IPO8: variants seen among roughly 807,000 people sequenced by gnomAD.
IPO8 encodes importin 8.
In IPO8, 65 loss-of-function variants were observed where a neutral mutation model predicts 141.2. The observed-to-expected ratio is 0.46, with a 90% CI of 0.38 to 0.57. The LOEUF (loss-of-function observed/expected upper bound fraction) is 0.57. Among genes scored for constraint, IPO8 ranks in the 20% least tolerant of loss-of-function variants. The probability of loss-of-function intolerance (pLI) is 0.00; values close to 1 mark genes in which losing one functional copy is unlikely to be tolerated. For missense variants in IPO8, 980 were observed against 1,246.8 expected, an observed-to-expected ratio of 0.79 and a Z score of 3.22; for synonymous variants, 411 against 420.3, an observed-to-expected ratio of 0.98 and a Z score of 0.27.
At chr12:30,694,812 C>A (rs180868929) in intron 1 of IPO8, among the ~76,000 whole-genome samples, 46 of 152,152 alleles carry the variant, frequency 3.0e-4, no homozygotes, top group African/African-American at 1.0e-3. Flanking sequence ...TCTTAAGTAC[C>A]GGTAGGGAAG....
rs777829736 is a variant in IPO8 at position 30,630,895 on chromosome 12, C to T, written c.3079G>A (p.Ala1027Thr). The change falls in exon 25 of 25, where the codon GCA becomes ACA. Residue 1027 changes from alanine (A) to threonine (T), a missense_variant. Transcript: ENST00000256079. ...FTFENKGVLS[A>T]FNFGTVPSNN ...CTGGGCACAGTCCCAAAATTAAATG[C>T]GGAGAGGACTCCTTTGTTTTCAAAG... The T allele has an allele frequency of 9.3e-6, 15 of 1,613,478 alleles. No homozygotes were observed. Among genetic ancestry groups the T allele is most frequent in the Admixed American group, 3.3e-5 (2 of 59,982 alleles).
intron 16 of IPO8, among the ~76,000 whole-genome samples, chr12:30,658,701 A>G (rs2052835262): frequency 6.6e-6 from 1 of 152,212 alleles, no homozygotes; most frequent in Admixed American, 6.5e-5. Flanking sequence ...AGTCCTAAGT[A>G]TAAGACAAAA....
chr12:30,694,261 CTT>C (rs2136179745), intron 1 of IPO8, among the ~76,000 whole-genome samples: 1 of 152,334 alleles, frequency 6.6e-6, no homozygotes, highest in East Asian at 1.9e-4. Context: ...CAGGTACTGA[CTT>C]TAACTTCCCC....
intron 18 of IPO8, 23 bp downstream of exon 18, chr12:30,652,944 A>C (rs2052748328): frequency 6.4e-7 from 1 of 1,567,344 alleles, no homozygotes; most frequent in African/African-American, 1.4e-5. Context: ...AAAAGCAAAA[A>C]TTTTATATGG....
Position 30,695,481 on chromosome 12 carries a change from A to AG in IPO8, c.84+82dup, listed in dbSNP as rs1238950661. 2.4e-6 allele frequency: 3 copies of AG among 1,231,572 alleles called. No homozygotes were observed. The highest frequency in any genetic ancestry group is 3.6e-6 in the Non-Finnish European group (3 of 844,468). 76.3% of individuals were successfully genotyped at this position (1,231,572 alleles called of 1,614,324 possible). A position where few individuals can be genotyped will look rare whatever the true frequency, so the allele number is the denominator to read the frequency against. ...CCCCAGCCCGGTGGGGGTGAGGACGAGGGGCGCCGGGGAGAGGGAGCCCGG... is the reference window on the plus strand; with the variant it reads ...CCCCAGCCCGGTGGGGGTGAGGACGAGGGGGCGCCGGGGAGAGGGAGCCCGG... On this transcript the variant is annotated intron_variant, in intron 1 of 24. Coordinates refer to ENST00000256079, the MANE Select transcript of IPO8 (RefSeq NM_006390.4). This position sits in a 1 kb window ranked among gnomAD's most constrained non-coding sequence, Gnocchi z 4.2.
intron 10 of IPO8, among the ~76,000 whole-genome samples, chr12:30,668,172 A>G (rs1345074407): frequency 6.6e-6 from 1 of 152,234 alleles, no homozygotes; most frequent in Non-Finnish European, 1.5e-5. Flanking sequence ...AATGATTTTC[A>G]AAAGAAAAAT....
intron 14 of IPO8, 51 bp downstream of exon 14, chr12:30,663,438 A>C: frequency 6.7e-7 from 1 of 1,482,006 alleles, no homozygotes; most frequent in Non-Finnish European, 9.2e-7. Context: ...ATTAGGGAAG[A>C]AAGTAAATGA....
At position 30,695,415 on chromosome 12, in the gene IPO8, G is replaced by A. The variant is rs369170420; in HGVS notation, c.84+149C>T. On this transcript the variant is annotated intron_variant, in intron 1 of 24. Transcript: ENST00000256079. The surrounding 1 kb of genome is among the most constrained non-coding windows in gnomAD (Gnocchi z 4.2). ...GGAGCCCTGCTCCACTGGACCGGGG[G>A]GCAGCGGGGTCGGAGAGCGGGACCA... 2.2e-4 allele frequency: 143 copies of A among 644,766 alleles called. 2 individuals are homozygous for A. Among genetic ancestry groups the A allele is most frequent in the African/African-American group, 2.2e-3 (118 of 54,334 alleles). The allele number at this position is 644,766 out of a possible 1,614,324, so 39.9% of individuals were successfully genotyped here.
chr12:30,645,514 G>A (rs1011002216), intron 20 of IPO8, among the ~76,000 whole-genome samples: 12 of 151,672 alleles, frequency 7.9e-5, no homozygotes, highest in South Asian at 2.1e-4. Flanking sequence ...GCAAGCAGAC[G>A]GGAAAAAATA....
At chr12:30,655,835 G>C (rs1211837102) in intron 17 of IPO8, among the ~76,000 whole-genome samples, 1 of 152,150 alleles carries the variant, frequency 6.6e-6, no homozygotes, top group Non-Finnish European at 1.5e-5. Flanking sequence ...CTCTTAATCA[G>C]AGACAGGCTT....
intron 5 of IPO8, chr12:30,676,812 T>C (rs1488249684): frequency 9.6e-7 from 1 of 1,041,538 alleles, no homozygotes; most frequent in Non-Finnish European, 1.4e-6. Flanking sequence ...TTGGGTCTAC[T>C]TTTTAAAAGG....
intron 20 of IPO8, among the ~76,000 whole-genome samples, chr12:30,644,653 G>T (rs146697629): frequency 1.6e-3 from 204 of 128,032 alleles, no homozygotes; most frequent in Middle Eastern, 3.8e-3. Context: ...TTTTTTTTTT[G>T]TTTTTTTTTT....
At chr12:30,644,609 C>G (rs2052616513) in intron 20 of IPO8, among the ~76,000 whole-genome samples, 1 of 149,708 alleles carries the variant, frequency 6.7e-6, no homozygotes, top group South Asian at 2.1e-4. Context: ...CAGGTCCAAA[C>G]AAACCTCAAA....
chr12:30,665,547 G>A (rs2052950930), intron 12 of IPO8, among the ~76,000 whole-genome samples, 182 bp downstream of exon 12: 1 of 152,064 alleles, frequency 6.6e-6, no homozygotes. Context: ...GTTTCATACT[G>A]AAAACTTTAA....
Position 30,695,650 on chromosome 12 carries a change from C to A in IPO8, c.-3G>T. On this transcript the variant is annotated 5_prime_UTR_variant, in exon 1 of 25. Coordinates refer to ENST00000256079, the MANE Select transcript of IPO8 (RefSeq NM_006390.4). The surrounding 1 kb of genome is among the most constrained non-coding windows in gnomAD (Gnocchi z 4.2). ...TGGATGATCCGGTTGAGGTCCATCT[C>A]CCCGGGTGGGGGCTCCGCGGCCCCC... 1 of 1,613,306 alleles carries A rather than the reference C, an allele frequency of 6.2e-7. No homozygotes were observed. Among genetic ancestry groups the A allele is most frequent in the African/African-American group, 1.3e-5 (1 of 75,036 alleles).
intron 15 of IPO8, among the ~76,000 whole-genome samples, chr12:30,661,626 A>AC (rs922982401): frequency 6.6e-6 from 1 of 151,468 alleles, no homozygotes; most frequent in African/African-American, 2.4e-5. Context: ...AAAAAAAAAA[A>AC]CAGACATGGA....
At chr12:30,693,534 C>G (rs2053310462) in intron 1 of IPO8, among the ~76,000 whole-genome samples, 1 of 152,156 alleles carries the variant, frequency 6.6e-6, no homozygotes, top group African/African-American at 2.4e-5. Flanking sequence ...AGACTAAAGT[C>G]GAAGAGGTGG....
At position 30,687,957 on chromosome 12, in the gene IPO8, C is replaced by G. The variant is rs1050301218; in HGVS notation, c.166+2539G>C. 3.9e-5 allele frequency among the ~76,000 whole-genome samples: 6 copies of G among 152,052 alleles called. No individual in the cohort carries two copies. In the South Asian group the frequency reaches 1.2e-3, roughly 32 times the overall value. ...TAAATGACAGTCCCACATCTGTCAC[C>G]ACTGATGACCTCTTCAGGTCTAATA... On this transcript the variant is annotated intron_variant, in intron 2 of 24. Coordinates refer to ENST00000256079, the MANE Select transcript of IPO8 (RefSeq NM_006390.4).
At position 30,684,448 on chromosome 12, in the gene IPO8, T is replaced by A. The variant is rs1226956057; in HGVS notation, c.176A>T (p.Tyr59Phe). The A allele has an allele frequency of 6.2e-7, 1 of 1,613,680 alleles. No individual in the cohort carries two copies. Among genetic ancestry groups the A allele is most frequent in the Admixed American group, 1.7e-5 (1 of 59,936 alleles). The change falls in exon 3 of 25, where the codon TAC becomes TTC. Residue 59 changes from tyrosine to phenylalanine, a missense_variant. Around this residue, in one of 3 missense-constraint regions of IPO8, gnomAD observed 16 missense variants for 46.6 expected, o/e 0.34. Coordinates refer to ENST00000256079, the MANE Select transcript of IPO8 (RefSeq NM_006390.4). ...GTATTGTGTCACCATGTTCTTCAGG[T>A]AAATGGCAGCTGAGTTTGAGAAAAA... ...EFPVRQAAAI[Y>F]LKNMVTQYWP...
Sources: allele counts gnomAD v4.1 joint callset (sites outside exome capture counted in the v4.1 genomes callset), GRCh38; gene constraint gnomAD v4.1.1; regional missense constraint gnomAD v4.1.1; non-coding constraint Gnocchi (gnomAD v3.1); transcripts MANE v1.5; gene names NCBI Gene and HGNC (gene_info 2026-07-23, HGNC 2026-07-21).